Variants in TUSC3 observed in about 807,000 individuals in gnomAD.
TUSC3 encodes dolichyl-diphosphooligosaccharide--protein glycosyltransferase subunit TUSC3.
Under a neutral mutation model 44.8 loss-of-function variants are expected in TUSC3, and 45 were observed. The observed-to-expected ratio is 1.00, with a 90% CI of 0.79 to 1.29. TUSC3 has a LOEUF of 1.29. Among genes scored for constraint, TUSC3 ranks in the 50% most tolerant of loss-of-function variants. The pLI is 0.00. For synonymous variants in TUSC3, 212 were observed against 152.9 expected (o/e 1.39, Z -2.85); for missense variants, 519 against 437.9 (o/e 1.19, Z -1.65).
At position 15,488,330 on chromosome 8, in the gene TUSC3, C is replaced by CA. The variant is rs796502355; in HGVS notation, n.189+4860dup. Among the ~76,000 whole-genome samples the CA allele has an allele frequency of 7.1e-3, 1,008 of 141,044 alleles. 2 individuals are homozygous for CA. The highest frequency in any genetic ancestry group is 0.014 in the African/African-American group (530 of 38,526). 92.5% of individuals were successfully genotyped at this position (141,044 alleles called of 152,430 possible). A position where few individuals can be genotyped will look rare whatever the true frequency, so the allele number is the denominator to read the frequency against. On this transcript the variant is annotated intron_variant and non_coding_transcript_variant, in intron 2 of 5. Coordinates refer to the TUSC3 transcript ENST00000503191. ...TGAACAACATAGACCCCATCTCTAC[C>CA]AAAAAAAAAAAAATTAAAATAAATA...
At chr8:15,612,408 C>T (rs1804803529) in intron 1 of TUSC3, among the ~76,000 whole-genome samples, 1 of 152,072 alleles carries the variant, frequency 6.6e-6, no homozygotes, top group Admixed American at 6.6e-5. Flanking sequence ...TTAAGCTTCA[C>T]TTTGGAATGA....
the TUSC3 span, among the ~76,000 whole-genome samples, chr8:15,814,846 G>C: frequency 1.3e-5 from 2 of 152,100 alleles, no homozygotes; most frequent in South Asian, 2.1e-4. Flanking sequence ...AGGTGATCCA[G>C]GATTCAAGTA....
rs118001301 is a variant in TUSC3 at position 15,669,481 on chromosome 8, A to G, written c.709-4266A>G. ...CAGTCTTTCTCATGGATATAGATGC[A>G]TTTATTCTAAACAAAAAAATTACAG... On this transcript the variant is annotated intron_variant, in intron 5 of 10. Transcript: ENST00000503731. 6.4e-3 allele frequency among the ~76,000 whole-genome samples: 973 copies of G among 151,948 alleles called. 5 individuals carry two copies. Among genetic ancestry groups the G allele is most frequent in the Middle Eastern group, 0.014 (4 of 294 alleles).
At chr8:15,850,913 T>C in the TUSC3 span, among the ~76,000 whole-genome samples, 2 of 152,226 alleles carry the variant, frequency 1.3e-5, no homozygotes, top group Non-Finnish European at 2.9e-5. Flanking sequence ...TCTATTATTA[T>C]CAAATAGTGC....
intron 2 of TUSC3, among the ~76,000 whole-genome samples, chr8:15,493,620 A>T (rs17473654): frequency 0.16 from 24,355 of 152,116 alleles, 2,232 homozygotes; most frequent in Middle Eastern, 0.22. Context: ...TGGTACTGGA[A>T]CTATACTAGG....
intron 6 of TUSC3, among the ~76,000 whole-genome samples, chr8:15,729,144 T>G (rs962771815): frequency 6.6e-6 from 1 of 152,200 alleles, no homozygotes; most frequent in African/African-American, 2.4e-5. Flanking sequence ...GCAAACTATT[T>G]TGCAGTTGTT....
chr8:15,734,767 A>G lies in TUSC3; in HGVS notation c.862+4038A>G, dbSNP rs187891713. Among the ~76,000 whole-genome samples, 301 of 152,340 alleles carry G rather than the reference A, an allele frequency of 2.0e-3. 1 individual carries two copies. The highest frequency in any genetic ancestry group is 6.9e-3 in the African/African-American group (288 of 41,588). On this transcript the variant is annotated intron_variant, in intron 7 of 10. Coordinates refer to ENST00000503731, the MANE Select transcript of TUSC3 (RefSeq NM_006765.4). The stretch of plus-strand genomic sequence containing the variant: ...TTGAAGTATAAAAAGTTTCAGAGAC[A>G]GAGAAATGGGTAAGGAGGCTATATT...
intron 1 of TUSC3, among the ~76,000 whole-genome samples, chr8:15,616,799 G>A (rs1353384806): frequency 6.6e-6 from 1 of 152,064 alleles, no homozygotes; most frequent in Non-Finnish European, 1.5e-5. Flanking sequence ...GAGTTTTTGG[G>A]TGCCGCTGCG....
rs185004753 is a variant in TUSC3, at chr8:15,504,578, G to T, written n.189+21095G>T. Among the ~76,000 whole-genome samples, 37 of 33,452 alleles carry T rather than the reference G, an allele frequency of 1.1e-3. 1 individual carries two copies. Among genetic ancestry groups the T allele is most frequent in the South Asian group, 3.6e-3 (2 of 558 alleles). 21.9% of individuals were successfully genotyped at this position (33,452 alleles called of 152,430 possible). A position where few individuals can be genotyped will look rare whatever the true frequency, so the allele number is the denominator to read the frequency against. Reference sequence around the variant, plus strand: ...TAATCCTATTAAAGGCAACTTTCAGGATATATATATATATATATATATATA... The same window carrying T: ...TAATCCTATTAAAGGCAACTTTCAGTATATATATATATATATATATATATA... On this transcript the variant is annotated intron_variant and non_coding_transcript_variant, in intron 2 of 5. Coordinates refer to the TUSC3 transcript ENST00000503191.
At chr8:15,701,304 A>G (rs1809394609) in intron 6 of TUSC3, among the ~76,000 whole-genome samples, 1 of 152,132 alleles carries the variant, frequency 6.6e-6, no homozygotes, top group Admixed American at 6.6e-5. Flanking sequence ...TTTTATCACC[A>G]TAGATTACCT....
At chr8:15,582,892 C>G (rs1296324098) in intron 1 of TUSC3, among the ~76,000 whole-genome samples, 2 of 152,248 alleles carry the variant, frequency 1.3e-5, no homozygotes, top group East Asian at 1.9e-4. Context: ...CTACAACCTT[C>G]TCTTTGTTCT....
intron 1 of TUSC3, among the ~76,000 whole-genome samples, chr8:15,545,426 C>T (rs1801831114): frequency 6.6e-6 from 1 of 151,596 alleles, no homozygotes. Flanking sequence ...TAAAGGGAGA[C>T]ATTATCTTTA....
chr8:15,531,164 T>C (rs2129130723), intron 2 of TUSC3, among the ~76,000 whole-genome samples: 1 of 152,230 alleles, frequency 6.6e-6, no homozygotes, highest in African/African-American at 2.4e-5. Context: ...ACAAATAAAA[T>C]CCCAGGTTCA....
At chr8:15,620,848 G>A (rs1490712030) in intron 1 of TUSC3, among the ~76,000 whole-genome samples, 2 of 152,102 alleles carry the variant, frequency 1.3e-5, no homozygotes, top group Non-Finnish European at 2.9e-5. Flanking sequence ...TTATTTAAAA[G>A]TAAAGTGAAA....
At chr8:15,446,615 C>G (rs942538216) in intron 1 of TUSC3, among the ~76,000 whole-genome samples, 3 of 151,354 alleles carry the variant, frequency 2.0e-5, no homozygotes, top group African/African-American at 7.3e-5. Flanking sequence ...CAATCCCAGG[C>G]GCTCGGCAGG....
chr8:15,432,030 A>T (rs1187049121), intron 1 of TUSC3, among the ~76,000 whole-genome samples: 1 of 151,468 alleles, frequency 6.6e-6, no homozygotes, highest in Non-Finnish European at 1.5e-5. Context: ...GCTAGTGTTG[A>T]GGATTTTTGT....
intron 2 of TUSC3, among the ~76,000 whole-genome samples, chr8:15,496,344 C>G (rs540996506): frequency 6.6e-6 from 1 of 152,170 alleles, no homozygotes; most frequent in Non-Finnish European, 1.5e-5. Context: ...TATTCCACGC[C>G]TCTAGGGGCC....
chr8:15,476,926 G>A (rs1800583742), intron 1 of TUSC3, among the ~76,000 whole-genome samples: 3 of 152,166 alleles, frequency 2.0e-5, no homozygotes, highest in Admixed American at 2.0e-4. Flanking sequence ...GATTTGTTGT[G>A]GAAGGCAGCC....
At chr8:15,687,030 G>A (rs1260848859) in intron 6 of TUSC3, among the ~76,000 whole-genome samples, 1 of 152,082 alleles carries the variant, frequency 6.6e-6, no homozygotes, top group Non-Finnish European at 1.5e-5. Context: ...CCGAGATCGT[G>A]CCACTGCACT....
Sources: gnomAD v4.1 joint callset for allele counts (sites outside exome capture counted in the v4.1 genomes callset) on GRCh38, gnomAD v4.1.1 for gene constraint, MANE v1.5 for transcripts, NCBI Gene and HGNC (gene_info 2026-07-23, HGNC 2026-07-21) for gene names.